CADM1: variants seen among roughly 807,000 people sequenced by gnomAD.
CADM1 encodes the protein cell adhesion molecule 1.
Under a neutral mutation model 53.1 loss-of-function variants are expected in CADM1, and 15 were observed. The ratio of observed to expected loss-of-function variants is 0.28; its 90% confidence interval spans 0.19 to 0.44. The LOEUF (loss-of-function observed/expected upper bound fraction) is 0.44. CADM1 is among the 20% of genes least tolerant of loss of function. The probability of loss-of-function intolerance (pLI) is 1.00; values close to 1 mark genes in which losing one functional copy is unlikely to be tolerated. For missense variants in CADM1, 434 were observed against 611.3 expected (o/e 0.71, Z 3.06); for synonymous variants, 281 against 243.0 (o/e 1.16, Z -1.45).
At chr11:115,493,473 T>C (rs1949544442) in intron 1 of CADM1, among the ~76,000 whole-genome samples, 1 of 152,098 alleles carries the variant, frequency 6.6e-6, no homozygotes, top group Non-Finnish European at 1.5e-5. Flanking sequence ...AACAAGATCT[T>C]CAGGCTCAAA....
chr11:115,181,772 G>A (rs898126742), intron 10 of CADM1, among the ~76,000 whole-genome samples: 1 of 152,144 alleles, frequency 6.6e-6, no homozygotes, highest in South Asian at 2.1e-4. Context: ...TGGGGAGGGT[G>A]GGGGAGTGTT....
chr11:115,338,324 G>A (rs1025986487), intron 1 of CADM1, among the ~76,000 whole-genome samples: 1 of 151,976 alleles, frequency 6.6e-6, no homozygotes, highest in Non-Finnish European at 1.5e-5. Flanking sequence ...TTTGCCTAAG[G>A]TTACTTACAC....
At chr11:115,369,037 A>ATC (rs1946246685) in intron 1 of CADM1, among the ~76,000 whole-genome samples, 1 of 146,352 alleles carries the variant, frequency 6.8e-6, no homozygotes, top group Non-Finnish European at 1.5e-5. Flanking sequence ...AAAAAAAAAA[A>ATC]AAAAAAAAAA....
chr11:115,362,247 T>C (rs982872013), intron 1 of CADM1, among the ~76,000 whole-genome samples: 4 of 152,164 alleles, frequency 2.6e-5, no homozygotes, highest in Admixed American at 2.0e-4. Flanking sequence ...GCACTTAGTA[T>C]AAAATAAAAT....
intron 1 of CADM1, among the ~76,000 whole-genome samples, chr11:115,288,342 C>T (rs1468088996): frequency 6.6e-6 from 1 of 152,016 alleles, no homozygotes; most frequent in East Asian, 1.9e-4. Flanking sequence ...CATTTTACAG[C>T]AAACATTTCA....
At chr11:115,334,245 C>T (rs1350964716) in intron 1 of CADM1, among the ~76,000 whole-genome samples, 2 of 152,168 alleles carry the variant, frequency 1.3e-5, no homozygotes, top group African/African-American at 4.8e-5. Flanking sequence ...AAACTCTTCA[C>T]CAGAGTGTGG....
intron 1 of CADM1, among the ~76,000 whole-genome samples, chr11:115,330,315 A>C (rs1393457147): frequency 6.6e-6 from 1 of 152,096 alleles, no homozygotes; most frequent in Non-Finnish European, 1.5e-5. Flanking sequence ...TATCTTACTG[A>C]GTTTACAAAG....
At chr11:115,280,251 A>G (rs529586786) in intron 1 of CADM1, among the ~76,000 whole-genome samples, 5 of 152,128 alleles carry the variant, frequency 3.3e-5, no homozygotes, top group Admixed American at 2.0e-4. Context: ...CTTTGACTCT[A>G]TTGGACAATA....
chr11:115,266,136 T>A (rs941213783), intron 1 of CADM1, among the ~76,000 whole-genome samples: 1 of 152,200 alleles, frequency 6.6e-6, no homozygotes, highest in African/African-American at 2.4e-5. Context: ...CCCGCCAGCA[T>A]TCAGTGTGCT....
chr11:115,312,401 G>A (rs1591698453), intron 1 of CADM1, among the ~76,000 whole-genome samples: 1 of 152,144 alleles, frequency 6.6e-6, no homozygotes, highest in South Asian at 2.1e-4. Flanking sequence ...CTCATGTTTT[G>A]ATTACCGGAG....
intron 1 of CADM1, among the ~76,000 whole-genome samples, chr11:115,392,314 A>G (rs550998774): frequency 3.6e-4 from 55 of 152,098 alleles, no homozygotes; most frequent in Non-Finnish European, 7.1e-4. Flanking sequence ...AGTGTCTGTT[A>G]AATAAATGAA....
At chr11:115,495,023 A>C (rs910287289) in intron 1 of CADM1, among the ~76,000 whole-genome samples, 1 of 152,194 alleles carries the variant, frequency 6.6e-6, no homozygotes, top group Non-Finnish European at 1.5e-5. Context: ...CTTCACAATG[A>C]AGTTTGCTCA....
At chr11:115,347,252 C>G (rs1161465499) in intron 1 of CADM1, among the ~76,000 whole-genome samples, 1 of 152,002 alleles carries the variant, frequency 6.6e-6, no homozygotes, top group Non-Finnish European at 1.5e-5. Context: ...GGTACTAGCC[C>G]CCCCAACTGC....
intron 1 of CADM1, among the ~76,000 whole-genome samples, chr11:115,254,274 C>T (rs541321874): frequency 1.3e-5 from 2 of 152,144 alleles, no homozygotes; most frequent in East Asian, 3.9e-4. Flanking sequence ...GTGCTAGGCG[C>T]TCTCACTTTT....
At chr11:115,208,270 TG>T (rs1160234261) in intron 8 of CADM1, among the ~76,000 whole-genome samples, 1 of 152,226 alleles carries the variant, frequency 6.6e-6, no homozygotes, top group Non-Finnish European at 1.5e-5. Flanking sequence ...TGAGAAGCAC[TG>T]GCTTCCTTAA....
At chr11:115,328,393 A>G (rs1945014739) in intron 1 of CADM1, among the ~76,000 whole-genome samples, 1 of 151,934 alleles carries the variant, frequency 6.6e-6, no homozygotes, top group African/African-American at 2.4e-5. Context: ...ATTATTTATA[A>G]AGTTATTGTT....
chr11:115,269,109 T>A (rs1943225746), intron 1 of CADM1, among the ~76,000 whole-genome samples: 2 of 152,010 alleles, frequency 1.3e-5, no homozygotes, highest in African/African-American at 4.8e-5. Context: ...TATAAATGAG[T>A]GTGGCCTGGT....
At position 115,178,671 on chromosome 11, in the gene CADM1, G is replaced by A. The variant is rs1319581578; in HGVS notation, c.1270C>T (p.Leu424=). The A allele has an allele frequency of 1.9e-6, 3 of 1,613,568 alleles. No individual in the cohort carries two copies. Reference sequence around the variant, plus strand: ...TTATGTCTGGCAAAATAGCGCCCCAGAATGATGAGCAAGCACAGCATGGCG... The same window carrying A: ...TTATGTCTGGCAAAATAGCGCCCCAAAATGATGAGCAAGCACAGCATGGCG... ...VFAMLCLLII[L]GRYFARHKGT... Residue 424 remains leucine, a synonymous_variant, in exon 11 of 12, where the codon CTG becomes TTG. Coordinates refer to ENST00000331581, the MANE Select transcript of CADM1 (RefSeq NM_001301043.2).
At chr11:115,364,806 A>G (rs1325342551) in intron 1 of CADM1, among the ~76,000 whole-genome samples, 1 of 152,224 alleles carries the variant, frequency 6.6e-6, no homozygotes, top group South Asian at 2.1e-4. Context: ...TACCACATAC[A>G]TAATATATGT....
Sources: allele counts gnomAD v4.1 joint callset (sites outside exome capture counted in the v4.1 genomes callset), GRCh38; gene constraint gnomAD v4.1.1; transcripts MANE v1.5; gene names NCBI Gene and HGNC (gene_info 2026-07-23, HGNC 2026-07-21).